PTPRD: variants seen among roughly 807,000 people sequenced by gnomAD.
PTPRD encodes receptor-type tyrosine-protein phosphatase delta.
PTPRD carries 34 observed loss-of-function variants against 214.5 expected under a neutral mutation model. That is an observed-to-expected ratio of 0.16 (90% CI 0.12 to 0.21). The LOEUF (loss-of-function observed/expected upper bound fraction) is 0.21, where lower values mean the gene tolerates loss of function less well. Among genes scored for constraint, PTPRD ranks in the 10% least tolerant of loss-of-function variants. PTPRD has a pLI of 1.00. For synonymous variants in PTPRD, 1,128 were observed against 845.7 expected, an observed-to-expected ratio of 1.33 and a Z score of -5.79; for missense variants, 2,545 against 2,398.7, an observed-to-expected ratio of 1.06 and a Z score of -1.27.
intron 9 of PTPRD, among the ~76,000 whole-genome samples, chr9:9,365,096 C>T (rs1035538996): frequency 1.4e-4 from 21 of 151,582 alleles, no homozygotes; most frequent in African/African-American, 4.8e-4. Flanking sequence ...TGCTGGAGAA[C>T]ACTGAGTAAT....
chr9:9,193,279 T>A (rs2099936345), intron 9 of PTPRD, among the ~76,000 whole-genome samples: 1 of 152,120 alleles, frequency 6.6e-6, no homozygotes, highest in South Asian at 2.1e-4. Flanking sequence ...TCAGATACAA[T>A]CTTTAAAAAT....
At chr9:8,810,947 C>G (rs908664775) in intron 11 of PTPRD, among the ~76,000 whole-genome samples, 1 of 152,180 alleles carries the variant, frequency 6.6e-6, no homozygotes, top group Admixed American at 6.5e-5. Context: ...TTCCACTACA[C>G]TTTCCAACTG....
chr9:9,071,382 GGGT>G (rs1234753124), intron 10 of PTPRD, among the ~76,000 whole-genome samples: 5 of 152,152 alleles, frequency 3.3e-5, no homozygotes. Flanking sequence ...AAATTATCCT[GGGT>G]GGGCCTGACT....
chr9:10,064,109 T>C (rs900276847), intron 3 of PTPRD, among the ~76,000 whole-genome samples: 7 of 151,936 alleles, frequency 4.6e-5, no homozygotes, highest in Admixed American at 3.3e-4. Flanking sequence ...CTTCAATGTG[T>C]AACTTAAAAG....
At chr9:10,054,939 G>A (rs562512046) in intron 3 of PTPRD, among the ~76,000 whole-genome samples, 47 of 152,100 alleles carry the variant, frequency 3.1e-4, no homozygotes, top group Non-Finnish European at 4.9e-4. Context: ...TTTAGACGAT[G>A]TCATGAGTGC....
chr9:8,471,155 T>C (rs1362100125), intron 30 of PTPRD, 70 bp from the exon 31 acceptor site: 16 of 1,327,838 alleles, frequency 1.2e-5, no homozygotes, highest in Non-Finnish European at 1.7e-5. Context: ...CCCTTAAACC[T>C]TCCACAGACC....
chr9:9,570,524 A>C (rs767191141), intron 8 of PTPRD, among the ~76,000 whole-genome samples: 11 of 151,498 alleles, frequency 7.3e-5, no homozygotes, highest in Admixed American at 1.3e-4. Context: ...TGAAATATTT[A>C]TTTCTATAAC....
chr9:10,311,841 A>G (rs1216958173), intron 3 of PTPRD, among the ~76,000 whole-genome samples: 1 of 152,038 alleles, frequency 6.6e-6, no homozygotes, highest in Admixed American at 6.6e-5. Context: ...TTCTGATGAC[A>G]TAAAATGCTT....
rs771360735 is a variant in PTPRD at position 8,460,463 on chromosome 9, G to A, written c.3823C>T (p.Leu1275Phe). 3.1e-6 allele frequency: 5 copies of A among 1,613,536 alleles called. No individual in the cohort carries two copies. Among genetic ancestry groups the A allele is most frequent in the Non-Finnish European group, 4.2e-6 (5 of 1,179,638 alleles). ...EGLIWVVGPVLAVVFIICIVI... is the reference protein window; with the variant it reads ...EGLIWVVGPVFAVVFIICIVI... ...ATGCAGATGATAAAGACCACTGCAA[G>A]GACAGGACCTACAACCCAGATCAAG... Residue 1275 changes from leucine (L) to phenylalanine (F), a missense_variant, in exon 33 of 46, where the codon CTT becomes TTT. By Grantham distance (22) the Leu-to-Phe change is conservative. Coordinates refer to ENST00000381196, the MANE Select transcript of PTPRD (RefSeq NM_002839.4).
intron 9 of PTPRD, among the ~76,000 whole-genome samples, chr9:9,228,314 T>G (rs1325485704): frequency 6.6e-6 from 1 of 152,108 alleles, no homozygotes; most frequent in Non-Finnish European, 1.5e-5. Context: ...CCAGATGGAA[T>G]AAGAAATGTT....
chr9:9,252,311 G>C (rs2099975812), intron 9 of PTPRD, among the ~76,000 whole-genome samples: 1 of 152,026 alleles, frequency 6.6e-6, no homozygotes, highest in Non-Finnish European at 1.5e-5. Context: ...AGGAAGAGAA[G>C]AACGAGTTAA....
intron 2 of PTPRD, among the ~76,000 whole-genome samples, chr9:10,476,066 CT>C (rs1368230689): frequency 2.0e-5 from 3 of 152,138 alleles, no homozygotes; most frequent in African/African-American, 7.2e-5. Flanking sequence ...CCTTTGAAAA[CT>C]GGCACAAAAC....
intron 3 of PTPRD, among the ~76,000 whole-genome samples, chr9:10,307,097 T>G (rs2096098686): frequency 6.6e-6 from 1 of 152,170 alleles, no homozygotes; most frequent in Non-Finnish European, 1.5e-5. Context: ...TTATTCTATC[T>G]AATTTGAAAC....
At position 9,955,388 on chromosome 9, in the gene PTPRD, T is replaced by C. The variant is rs145192211; in HGVS notation, c.-471-16778A>G. Among the ~76,000 whole-genome samples the C allele has an allele frequency of 2.8e-4, 43 of 152,326 alleles. 1 individual carries two copies. Among genetic ancestry groups the C allele is most frequent in the Middle Eastern group, 3.4e-3 (1 of 294 alleles). ...TTTTTACTTCCTTTTTGTGATTCTT[T>C]ATCATTTTATGAATCTTAAAATAAA... On this transcript the variant is annotated intron_variant, in intron 4 of 45. Coordinates refer to ENST00000381196, the MANE Select transcript of PTPRD (RefSeq NM_002839.4).
chr9:9,471,491 T>TA (rs1301262949), intron 8 of PTPRD, among the ~76,000 whole-genome samples: 1 of 152,152 alleles, frequency 6.6e-6, no homozygotes, highest in African/African-American at 2.4e-5. Context: ...TCATTTCAAA[T>TA]AAAAAAATGC....
intron 3 of PTPRD, among the ~76,000 whole-genome samples, chr9:10,177,821 T>G (rs1186507226): frequency 1.3e-5 from 2 of 151,976 alleles, no homozygotes; most frequent in Non-Finnish European, 2.9e-5. Context: ...AAATTTCAAG[T>G]CAGTAGTTCT....
At chr9:10,074,525 A>G (rs1209000661) in intron 3 of PTPRD, among the ~76,000 whole-genome samples, 1 of 152,136 alleles carries the variant, frequency 6.6e-6, no homozygotes, top group Non-Finnish European at 1.5e-5. Flanking sequence ...AGAGGATCTG[A>G]TTAATGTTTT....
intron 2 of PTPRD, among the ~76,000 whole-genome samples, chr9:10,596,328 G>A (rs2076621153): frequency 6.6e-6 from 1 of 151,544 alleles, no homozygotes; most frequent in Non-Finnish European, 1.5e-5. Context: ...TATGTCTATA[G>A]TAACATATAT....
chr9:8,344,883 A>C (rs1009958697), intron 39 of PTPRD, among the ~76,000 whole-genome samples: 8 of 151,532 alleles, frequency 5.3e-5, no homozygotes, highest in Non-Finnish European at 1.2e-4. Flanking sequence ...AGTAAGTCTT[A>C]AGGCTAAATT....
Sources: allele counts gnomAD v4.1 joint callset (sites outside exome capture counted in the v4.1 genomes callset), GRCh38; gene constraint gnomAD v4.1.1; transcripts MANE v1.5; gene names NCBI Gene and HGNC (gene_info 2026-07-23, HGNC 2026-07-21).